Variants in SEMA3C observed in about 807,000 individuals in gnomAD.
SEMA3C encodes the protein semaphorin 3C.
A neutral mutation model predicts 89.4 loss-of-function variants in SEMA3C; 47 were observed. The observed-to-expected ratio is 0.53, with a 90% CI of 0.42 to 0.67. SEMA3C has a LOEUF of 0.67. Ranked by LOEUF, SEMA3C falls within the 30% of genes least tolerant of loss-of-function variation. The probability of loss-of-function intolerance (pLI) is 0.00; values close to 1 mark genes in which losing one functional copy is unlikely to be tolerated. For missense variants in SEMA3C, 839 were observed against 929.1 expected (o/e 0.90, Z 1.26); for synonymous variants, 310 against 320.2 (o/e 0.97, Z 0.34).
chr7:80,815,211 A>G (rs1010113152), intron 5 of SEMA3C, among the ~76,000 whole-genome samples: 1 of 152,142 alleles, frequency 6.6e-6, no homozygotes, highest in Admixed American at 6.5e-5. Flanking sequence ...AAAGTGTCCT[A>G]TGGTCACAGA....
Position 80,861,531 on chromosome 7 carries a change from T to C in SEMA3C, c.104-32786A>G, listed in dbSNP as rs372828887. ...GTGGCAATATGTCAAGTCAAACATA[T>C]AACAAGGTAGATTTAAAACAAAACT... On this transcript the variant is annotated intron_variant, in intron 2 of 17. Coordinates refer to ENST00000265361, the MANE Select transcript of SEMA3C (RefSeq NM_006379.5). Among the ~76,000 whole-genome samples, 232 of 152,290 alleles carry C rather than the reference T, an allele frequency of 1.5e-3. 1 individual carries two copies. Among genetic ancestry groups the C allele is most frequent in the African/African-American group, 5.1e-3 (211 of 41,574 alleles).
At chr7:80,918,762 A>G in intron 1 of SEMA3C, 66 bp downstream of exon 1, 1 of 944,936 alleles carries the variant, frequency 1.1e-6, no homozygotes, top group Non-Finnish European at 1.3e-6. Flanking sequence ...TGAAAAATCA[A>G]TATACAGGCC....
Position 80,765,669 on chromosome 7 carries a change from C to T in SEMA3C, c.1355-426G>A, listed in dbSNP as rs147537323. Among the ~76,000 whole-genome samples, 487 of 152,194 alleles carry T rather than the reference C, an allele frequency of 3.2e-3. 2 individuals carry two copies. Among genetic ancestry groups the T allele is most frequent in the African/African-American group, 0.011 (447 of 41,512 alleles). ...TTGGGTCACTGCAACCTCCACCTTC[C>T]GGGTTCAAGCGATTGTTCTGCTGCA... On this transcript the variant is annotated intron_variant, in intron 12 of 17. Transcript: ENST00000265361.
chr7:80,794,255 G>A (rs1022096649), intron 11 of SEMA3C, among the ~76,000 whole-genome samples: 16 of 151,886 alleles, frequency 1.1e-4, no homozygotes, highest in African/African-American at 3.9e-4. Context: ...CCTAGGGCAA[G>A]CTCAATCTCA....
At chr7:80,796,045 C>A (rs994960135) in intron 11 of SEMA3C, among the ~76,000 whole-genome samples, 1 of 152,078 alleles carries the variant, frequency 6.6e-6, no homozygotes, top group African/African-American at 2.4e-5. Flanking sequence ...AAGGGTTTCT[C>A]TTAAGTTTTT....
Position 80,813,361 on chromosome 7 carries a change from T to G in SEMA3C, c.448-2660A>C, listed in dbSNP as rs368214183. 1.3e-3 allele frequency among the ~76,000 whole-genome samples: 194 copies of G among 152,258 alleles called. 6 individuals carry two copies. The South Asian group carries it at 0.038, about 30-fold the overall frequency. ...ACAATGTACAGTGGCCTTTCAAAGA[T>G]TCTCTTATCACAACTGGTTCTGTCA... On this transcript the variant is annotated intron_variant, in intron 5 of 17. Coordinates refer to ENST00000265361, the MANE Select transcript of SEMA3C (RefSeq NM_006379.5).
At chr7:80,851,292 G>A (rs1389632401) in intron 2 of SEMA3C, among the ~76,000 whole-genome samples, 2 of 151,858 alleles carry the variant, frequency 1.3e-5, no homozygotes, top group Non-Finnish European at 1.5e-5. Context: ...AGATCACAAG[G>A]TCAGGAGATC....
At chr7:80,752,340 G>A (rs137889982) in intron 15 of SEMA3C, among the ~76,000 whole-genome samples, 1,564 of 152,056 alleles carry the variant, frequency 0.01, 17 homozygotes, top group African/African-American at 0.035. Context: ...GGCCAGGTGC[G>A]GTGGCTCACG....
intron 2 of SEMA3C, among the ~76,000 whole-genome samples, chr7:80,856,333 T>TA (rs1790639123): frequency 6.6e-6 from 1 of 151,932 alleles, no homozygotes; most frequent in Non-Finnish European, 1.5e-5. Context: ...GTCCACTTCT[T>TA]ATATATAATA....
At chr7:80,810,102 A>C (rs1490273392) in intron 6 of SEMA3C, among the ~76,000 whole-genome samples, 1 of 152,184 alleles carries the variant, frequency 6.6e-6, no homozygotes, top group Non-Finnish European at 1.5e-5. Context: ...CATTCTCACC[A>C]CAAAAAAATA....
At chr7:80,756,782 T>C (rs536132266) in intron 15 of SEMA3C, among the ~76,000 whole-genome samples, 11 of 151,098 alleles carry the variant, frequency 7.3e-5, no homozygotes, top group Non-Finnish European at 1.6e-4. Context: ...ATGAAGTCCT[T>C]GCTCACACAG....
intron 16 of SEMA3C, 97 bp downstream of exon 16, chr7:80,751,172 G>A (rs1455598140): frequency 2.0e-6 from 2 of 986,656 alleles, no homozygotes; most frequent in Non-Finnish European, 3.1e-6. Flanking sequence ...TTTTGAAAGT[G>A]AAACGCCTGA....
chr7:80,905,535 A>T (rs1791993948), intron 2 of SEMA3C, among the ~76,000 whole-genome samples: 1 of 152,084 alleles, frequency 6.6e-6, no homozygotes, highest in South Asian at 2.1e-4. Flanking sequence ...AAATCAGCAA[A>T]AGCATTTTGC....
At chr7:80,836,365 C>T (rs769940039) in intron 2 of SEMA3C, among the ~76,000 whole-genome samples, 17 of 152,082 alleles carry the variant, frequency 1.1e-4, no homozygotes, top group African/African-American at 1.7e-4. Flanking sequence ...AACAACTATA[C>T]GCAGGGAACC....
At chr7:80,765,280 C>G (rs775570716) in intron 12 of SEMA3C, 37 bp from the exon 13 acceptor site, 1 of 1,473,510 alleles carries the variant, frequency 6.8e-7, no homozygotes, top group South Asian at 1.2e-5. Context: ...TGTTACAATA[C>G]TTTTTAAAAG....
intron 2 of SEMA3C, among the ~76,000 whole-genome samples, chr7:80,896,237 A>C (rs572582223): frequency 6.6e-6 from 1 of 152,342 alleles, no homozygotes; most frequent in South Asian, 2.1e-4. Flanking sequence ...ACAATAACTG[A>C]TTCCATTGTA....
chr7:80,905,689 T>G (rs956081320), intron 2 of SEMA3C: 1 of 419,714 alleles, frequency 2.4e-6, no homozygotes, highest in Non-Finnish European at 4.7e-6. Context: ...TACAATGGGT[T>G]TAAAGCTGAT....
chr7:80,802,516 T>G (rs1789232912), intron 9 of SEMA3C, 149 bp downstream of exon 9: 4 of 534,804 alleles, frequency 7.5e-6, no homozygotes, highest in Non-Finnish European at 1.3e-5. Flanking sequence ...TTAAGAAAAT[T>G]TATGAACAGT....
intron 2 of SEMA3C, 132 bp downstream of exon 2, chr7:80,916,547 A>C (rs1201033727): frequency 2.7e-6 from 2 of 747,054 alleles, no homozygotes; most frequent in Non-Finnish European, 4.0e-6. Context: ...ATTGTCCTCC[A>C]AAACGCAGCC....
Sources: gnomAD v4.1 joint callset for allele counts (sites outside exome capture counted in the v4.1 genomes callset) on GRCh38, gnomAD v4.1.1 for gene constraint, MANE v1.5 for transcripts, NCBI Gene and HGNC (gene_info 2026-07-23, HGNC 2026-07-21) for gene names.